RIMS2: variants seen among roughly 807,000 people sequenced by gnomAD.
RIMS2 encodes the protein regulating synaptic membrane exocytosis 2, also known as regulating synaptic membrane exocytosis protein 2.
A neutral mutation model predicts 174.4 loss-of-function variants in RIMS2; 59 were observed. That is an observed-to-expected ratio of 0.34 (90% CI 0.27 to 0.42). The LOEUF is 0.42. RIMS2 is among the 10% of genes least tolerant of loss of function. The probability of loss-of-function intolerance (pLI) is 1.00; values close to 1 mark genes in which losing one functional copy is unlikely to be tolerated. For missense variants in RIMS2, 1,620 were observed against 1,666.3 expected, an observed-to-expected ratio of 0.97 and a Z score of 0.48; for synonymous variants, 606 against 572.5, an observed-to-expected ratio of 1.06 and a Z score of -0.84.
intron 19 of RIMS2, among the ~76,000 whole-genome samples, chr8:104,188,273 G>GATA (rs60940097): frequency 0.16 from 20,522 of 130,464 alleles, 1,703 homozygotes; most frequent in South Asian, 0.18. Context: ...ATAGATAGAT[G>GATA]GATGAAGTAT....
At chr8:103,939,059 G>A (rs2081960658) in intron 13 of RIMS2, among the ~76,000 whole-genome samples, 1 of 152,166 alleles carries the variant, frequency 6.6e-6, no homozygotes, top group South Asian at 2.1e-4. Flanking sequence ...GCTGTAGATG[G>A]ATCTACCATT....
At chr8:103,614,285 C>T (rs1256782689) in intron 1 of RIMS2, among the ~76,000 whole-genome samples, 2 of 152,390 alleles carry the variant, frequency 1.3e-5, no homozygotes, top group African/African-American at 4.8e-5. Context: ...ACTGGCGGAG[C>T]CCAGCACAGC....
At chr8:103,768,267 T>C in intron 3 of RIMS2, 2 of 561,702 alleles carry the variant, frequency 3.6e-6, no homozygotes, top group Non-Finnish European at 6.5e-6. Flanking sequence ...TTGGAGGCAT[T>C]CACCTGCTTC....
chr8:103,981,065 T>C (rs1411558165), intron 16 of RIMS2, among the ~76,000 whole-genome samples: 1 of 152,162 alleles, frequency 6.6e-6, no homozygotes, highest in Non-Finnish European at 1.5e-5. Flanking sequence ...TGTAGAGTCC[T>C]AGGACCTTGA....
At chr8:104,003,215 C>T (rs561897805) in intron 17 of RIMS2, among the ~76,000 whole-genome samples, 2 of 152,114 alleles carry the variant, frequency 1.3e-5, no homozygotes, top group Admixed American at 6.5e-5. Flanking sequence ...AACAACTCAG[C>T]TGTATCTTAA....
At chr8:103,802,163 C>T (rs1458628532) in intron 3 of RIMS2, among the ~76,000 whole-genome samples, 1 of 152,072 alleles carries the variant, frequency 6.6e-6, no homozygotes, top group African/African-American at 2.4e-5. Context: ...CCAAAATGAC[C>T]ATTTTTGAGC....
chr8:104,026,499 A>C (rs1241792236), intron 19 of RIMS2, among the ~76,000 whole-genome samples: 1 of 152,166 alleles, frequency 6.6e-6, no homozygotes, highest in Admixed American at 6.5e-5. Flanking sequence ...ACTAAAGCCT[A>C]CCGTATCACC....
At chr8:103,639,776 A>AT (rs1429876134) in intron 1 of RIMS2, among the ~76,000 whole-genome samples, 1 of 151,962 alleles carries the variant, frequency 6.6e-6, no homozygotes, top group Non-Finnish European at 1.5e-5. Flanking sequence ...TTGTGTGAAC[A>AT]TAAGTTTTCA....
intron 1 of RIMS2, among the ~76,000 whole-genome samples, chr8:103,613,050 C>A (rs1368045102): frequency 6.6e-6 from 1 of 152,134 alleles, no homozygotes; most frequent in East Asian, 1.9e-4. Flanking sequence ...CTGGTTACCA[C>A]CTATGTGTAC....
chr8:104,120,810 T>G (rs943988461), intron 19 of RIMS2, among the ~76,000 whole-genome samples: 16 of 152,214 alleles, frequency 1.1e-4, no homozygotes, highest in African/African-American at 3.9e-4. Context: ...GCCAATTAAT[T>G]TCATTGTCTT....
intron 1 of RIMS2, among the ~76,000 whole-genome samples, chr8:103,648,924 A>G (rs954229683): frequency 4.6e-5 from 7 of 152,158 alleles, no homozygotes; most frequent in African/African-American, 1.7e-4. Flanking sequence ...TAATTGGGGC[A>G]TTTAGCCCAT....
intron 3 of RIMS2, among the ~76,000 whole-genome samples, chr8:103,825,769 A>G (rs1030252523): frequency 1.3e-5 from 2 of 152,142 alleles, no homozygotes; most frequent in South Asian, 2.1e-4. Context: ...TGTGGATCAT[A>G]GCGTGGGTGT....
chr8:103,962,611 T>TATTG (rs202230469), intron 15 of RIMS2, among the ~76,000 whole-genome samples: 13 of 152,230 alleles, frequency 8.5e-5, no homozygotes, highest in East Asian at 1.9e-4. Context: ...CTTTATTTTT[T>TATTG]ATTGATTGAT....
intron 3 of RIMS2, among the ~76,000 whole-genome samples, chr8:103,812,331 G>GTTTTTTTTTTTTTTTTTTTTTTTTTT (rs71575985): frequency 2.7e-5 from 3 of 111,612 alleles, no homozygotes; most frequent in Non-Finnish European, 3.5e-5. Context: ...TTATTACCTT[G>GTTTTTTTTTTTTTTTTTTTTTTTTTT]TTTTTTTTTT....
At chr8:103,901,778 A>G (rs1407808094) in intron 4 of RIMS2, among the ~76,000 whole-genome samples, 4 of 152,186 alleles carry the variant, frequency 2.6e-5, no homozygotes, top group African/African-American at 7.2e-5. Context: ...TTATCATCCT[A>G]TTTCAAATTC....
intron 19 of RIMS2, among the ~76,000 whole-genome samples, chr8:104,111,764 C>T (rs2098188796): frequency 6.6e-6 from 1 of 152,162 alleles, no homozygotes. Flanking sequence ...GGCTTGGAAA[C>T]ATTAGCTGTA....
chr8:103,983,947 G>A (rs1343791440), intron 16 of RIMS2, among the ~76,000 whole-genome samples: 3 of 152,094 alleles, frequency 2.0e-5, no homozygotes, highest in Non-Finnish European at 2.9e-5. Flanking sequence ...GCCAAGGCGG[G>A]CGGATCACGA....
In RIMS2 at chr8:103,620,090, G is replaced by A. The variant is rs190451588; in HGVS notation, c.177-76996G>A. The stretch of plus-strand genomic sequence containing the variant: ...TATGACAATGAGCCACTATACTTAT[G>A]AATAATAAGGTAACATTTGTCAAAC... On this transcript the variant is annotated intron_variant, in intron 1 of 23. Coordinates refer to ENST00000504942, the Ensembl canonical transcript of RIMS2. Among the ~76,000 whole-genome samples, 10 of 152,176 alleles carry A rather than the reference G, an allele frequency of 6.6e-5. No individual in the cohort carries two copies. In the East Asian group the frequency reaches 1.9e-3, roughly 29 times the overall value.
At chr8:104,154,706 C>G (rs955513059) in intron 19 of RIMS2, among the ~76,000 whole-genome samples, 4 of 152,210 alleles carry the variant, frequency 2.6e-5, no homozygotes, top group African/African-American at 9.7e-5. Flanking sequence ...CCTGTGGTCA[C>G]TCAGGCATCT....
Sources: allele counts gnomAD v4.1 joint callset (sites outside exome capture counted in the v4.1 genomes callset), GRCh38; gene constraint gnomAD v4.1.1; transcripts MANE v1.5; gene names NCBI Gene and HGNC (gene_info 2026-07-23, HGNC 2026-07-21).